Variants in SYTL5 observed in about 807,000 individuals in gnomAD.
SYTL5 encodes the protein synaptotagmin-like protein 5.
In SYTL5, 34 loss-of-function variants were observed where a neutral mutation model predicts 55.9. The observed-to-expected ratio is 0.61, with a 90% CI of 0.46 to 0.81. SYTL5 has a LOEUF of 0.81. SYTL5 is among the 30% of genes least tolerant of loss of function. The pLI is 0.00. For synonymous variants in SYTL5, 221 were observed against 188.7 expected, an observed-to-expected ratio of 1.17 and a Z score of -1.40; for missense variants, 637 against 546.7, an observed-to-expected ratio of 1.17 and a Z score of -1.65.
chrX:37,937,262 C>A, the SYTL5 span, among the ~76,000 whole-genome samples: 1 of 110,247 alleles, frequency 9.1e-6, no homozygotes, highest in Admixed American at 9.7e-5. Context: ...GTAGCCTAAT[C>A]TAAACACATG....
the SYTL5 span, among the ~76,000 whole-genome samples, chrX:37,912,973 A>G: frequency 9.0e-6 from 1 of 111,604 alleles, no homozygotes; most frequent in African/African-American, 3.3e-5. Flanking sequence ...ACTGAGTTCC[A>G]CCAGTGAGAG....
intron 2 of SYTL5, among the ~76,000 whole-genome samples, chrX:38,046,103 G>C (rs748312351): frequency 2.7e-5 from 3 of 111,476 alleles, no homozygotes; most frequent in Non-Finnish European, 5.7e-5. Flanking sequence ...GCAGATTTTG[G>C]AATGTAAAAT....
chrX:38,039,004 G>T (rs1317938716), intron 2 of SYTL5, among the ~76,000 whole-genome samples: 2 of 111,808 alleles, frequency 1.8e-5, no homozygotes, highest in Admixed American at 9.5e-5. Context: ...GTGTGGCATT[G>T]ATTAAGGTGG....
the SYTL5 span, among the ~76,000 whole-genome samples, chrX:37,919,697 C>T: frequency 1.8e-5 from 2 of 112,025 alleles, no homozygotes; most frequent in South Asian, 7.5e-4. Context: ...TTGTAAAGTG[C>T]CACTTGTAAT....
chrX:37,944,082 A>T, the SYTL5 span, among the ~76,000 whole-genome samples: 8 of 110,947 alleles, frequency 7.2e-5, no homozygotes, highest in Admixed American at 7.7e-4. Context: ...GAAGCCTCTC[A>T]GGTGGAAGCC....
intron 3 of SYTL5, among the ~76,000 whole-genome samples, chrX:38,070,391 A>C (rs1936225856): frequency 9.1e-6 from 1 of 110,007 alleles, no homozygotes; most frequent in African/African-American, 3.3e-5. Context: ...ATTCTTACTG[A>C]TTCTCATTCT....
chrX:38,076,463 G>A lies in SYTL5; in HGVS notation c.555-104G>A. 4 of 737,574 alleles carry A rather than the reference G, an allele frequency of 5.4e-6. No individual in the cohort carries two copies. The South Asian group carries it at 1.3e-4, about 24-fold the overall frequency. 60.8% of individuals were successfully genotyped at this position (737,574 alleles called of 1,213,427 possible). A position where few individuals can be genotyped will look rare whatever the true frequency, so the allele number is the denominator to read the frequency against. On this transcript the variant is annotated intron_variant, in intron 5 of 16. Transcript: ENST00000297875. ...CTCTCAGCCCTAAGGCTGCTTTATT[G>A]AAGAATCCTTTATTATTAAAAGTAC... is the stretch of plus-strand genomic sequence containing the variant.
chrX:38,125,282 G>GT lies in SYTL5; in HGVS notation c.1842-10dup. 8.3e-7 allele frequency: 1 copy of GT among 1,200,684 alleles called. No individual in the cohort carries two copies. Among genetic ancestry groups the GT allele is most frequent in the Non-Finnish European group, 1.1e-6 (1 of 887,083 alleles). ...CTGCTGTCTTATTGATGATTTGATTGTTTTTTCTCATGCAGCTACCTGCTC... is the reference window on the plus strand; with the variant it reads ...CTGCTGTCTTATTGATGATTTGATTGTTTTTTTCTCATGCAGCTACCTGCTC... On this transcript the variant is annotated splice_polypyrimidine_tract_variant and intron_variant, in intron 15 of 16. Transcript: ENST00000297875.
intron 7 of SYTL5, among the ~76,000 whole-genome samples, chrX:38,090,757 A>G (rs1348045003): frequency 8.9e-6 from 1 of 112,780 alleles, no homozygotes; most frequent in African/African-American, 3.2e-5. Context: ...TTCAGCAGGT[A>G]CATGCAGGGA....
chrX:37,897,024 A>T, the SYTL5 span, among the ~76,000 whole-genome samples: 1 of 111,819 alleles, frequency 8.9e-6, no homozygotes, highest in African/African-American at 3.3e-5. Flanking sequence ...TGTTGAGAAG[A>T]TACATTTGAA....
intron 14 of SYTL5, 61 bp downstream of exon 14, chrX:38,120,527 G>T: frequency 1.2e-6 from 1 of 863,791 alleles, no homozygotes; most frequent in Non-Finnish European, 1.7e-6. Context: ...GTGGTAGTGG[G>T]ACTCAGGGAT....
chrX:38,018,348 T>G (rs1007695816), intron 1 of SYTL5, among the ~76,000 whole-genome samples: 4 of 111,611 alleles, frequency 3.6e-5, no homozygotes, highest in Non-Finnish European at 3.8e-5. Context: ...CTCACTTGCT[T>G]GCACAGCATC....
At chrX:37,946,452 C>G in the SYTL5 span, 1 of 250,158 alleles carries the variant, frequency 4.0e-6, no homozygotes, top group Non-Finnish European at 7.6e-6. Context: ...TGAATATGCA[C>G]ATCCTTTGGA....
intron 2 of SYTL5, among the ~76,000 whole-genome samples, chrX:38,052,681 T>C (rs1411089589): frequency 8.9e-6 from 1 of 112,332 alleles, no homozygotes; most frequent in Non-Finnish European, 1.9e-5. Context: ...GAGCAGTATA[T>C]ACAATAAACT....
At chrX:37,974,277 G>A in the SYTL5 span, among the ~76,000 whole-genome samples, 1 of 112,307 alleles carries the variant, frequency 8.9e-6, no homozygotes, top group Non-Finnish European at 1.9e-5. Context: ...GTGCTGATAC[G>A]TACTGCAACA....
At chrX:37,957,914 T>C in the SYTL5 span, among the ~76,000 whole-genome samples, 1 of 112,331 alleles carries the variant, frequency 8.9e-6, no homozygotes, top group African/African-American at 3.2e-5. Flanking sequence ...TATCACAGAA[T>C]ACCATAGACT....
chrX:38,017,026 G>T (rs1408132658), intron 1 of SYTL5, among the ~76,000 whole-genome samples: 1 of 111,837 alleles, frequency 8.9e-6, no homozygotes, highest in Non-Finnish European at 1.9e-5. Context: ...TTATGTCTTA[G>T]TCTATGACTT....
the SYTL5 span, among the ~76,000 whole-genome samples, chrX:37,893,764 A>G: frequency 1.1e-5 from 1 of 94,898 alleles, no homozygotes; most frequent in Non-Finnish European, 2.1e-5. Context: ...TATATAATCT[A>G]TAGATAAACT....
the SYTL5 span, among the ~76,000 whole-genome samples, chrX:37,944,117 G>C: frequency 9.0e-6 from 1 of 111,155 alleles, no homozygotes; most frequent in African/African-American, 3.3e-5. Context: ...CCCATGGCCT[G>C]ACATAGCTGA....
Sources: gnomAD v4.1 joint callset for allele counts (sites outside exome capture counted in the v4.1 genomes callset) on GRCh38, gnomAD v4.1.1 for gene constraint, MANE v1.5 for transcripts, NCBI Gene and HGNC (gene_info 2026-07-23, HGNC 2026-07-21) for gene names.